Variants in SLC38A9 observed in about 807,000 individuals in gnomAD.
The protein encoded by SLC38A9 is neutral amino acid transporter 9.
SLC38A9 carries 48 observed loss-of-function variants against 62.3 expected under a neutral mutation model. The observed-to-expected ratio is 0.77, with a 90% CI of 0.61 to 0.98. The LOEUF (loss-of-function observed/expected upper bound fraction) is 0.98. SLC38A9 is among the 50% of genes least tolerant of loss of function. SLC38A9 has a pLI of 0.00. For synonymous variants in SLC38A9, 204 were observed against 227.7 expected (o/e 0.90, Z 0.94); for missense variants, 541 against 679.8 (o/e 0.80, Z 2.27).
intron 15 of SLC38A9, 91 bp downstream of exon 15, chr5:55,627,800 T>C (rs1742711889): frequency 1.3e-6 from 1 of 785,630 alleles, no homozygotes; most frequent in Admixed American, 2.3e-5. Context: ...AGGAATTTCA[T>C]ACAATTAAAT....
intron 8 of SLC38A9, among the ~76,000 whole-genome samples, chr5:55,662,364 A>C (rs926128618): frequency 6.6e-6 from 1 of 152,140 alleles, no homozygotes; most frequent in African/African-American, 2.4e-5. Flanking sequence ...AAGTTGCAAA[A>C]GCGTTTATGT....
chr5:55,707,106 A>T (rs778862987), intron 2 of SLC38A9, among the ~76,000 whole-genome samples: 6 of 152,144 alleles, frequency 3.9e-5, no homozygotes, highest in Non-Finnish European at 8.8e-5. Flanking sequence ...TATGTTGCCC[A>T]GCCTGGCCTC....
At chr5:55,663,602 G>A (rs1158645378) in intron 8 of SLC38A9, among the ~76,000 whole-genome samples, 1 of 151,766 alleles carries the variant, frequency 6.6e-6, no homozygotes, top group African/African-American at 2.4e-5. Context: ...GTGTTACCGC[G>A]GGTGCCTGTA....
intron 3 of SLC38A9, among the ~76,000 whole-genome samples, chr5:55,683,596 CAT>C (rs1352424865): frequency 2.0e-5 from 3 of 152,180 alleles, no homozygotes; most frequent in Admixed American, 6.5e-5. Context: ...TATGTACACA[CAT>C]GAATGAAATT....
chr5:55,684,464 A>C (rs549674701), intron 3 of SLC38A9, among the ~76,000 whole-genome samples: 1 of 152,338 alleles, frequency 6.6e-6, no homozygotes, highest in South Asian at 2.1e-4. Context: ...AGATGAGTTA[A>C]AGTTGGGCTT....
intron 12 of SLC38A9, among the ~76,000 whole-genome samples, chr5:55,637,993 G>C (rs990785022): frequency 3.3e-5 from 5 of 149,720 alleles, no homozygotes; most frequent in Non-Finnish European, 7.4e-5. Flanking sequence ...TAAAAAAAAA[G>C]AGAGGTAACA....
At chr5:55,688,904 T>G (rs1754345074) in intron 3 of SLC38A9, among the ~76,000 whole-genome samples, 1 of 152,192 alleles carries the variant, frequency 6.6e-6, no homozygotes, top group Non-Finnish European at 1.5e-5. Flanking sequence ...AGGCCAATGC[T>G]TGCCTCTATT....
Position 55,673,777 on chromosome 5 carries a change from T to C in SLC38A9, c.114-1082A>G, listed in dbSNP as rs1580290038. 1.3e-5 allele frequency among the ~76,000 whole-genome samples: 2 copies of C among 151,330 alleles called. 1 individual carries two copies. Among genetic ancestry groups the C allele is most frequent in the Admixed American group, 1.3e-4 (2 of 15,160 alleles). On this transcript the variant is annotated intron_variant, in intron 3 of 15. Coordinates refer to ENST00000396865, the MANE Select transcript of SLC38A9 (RefSeq NM_173514.4). ...CCTAGGCTGGAGTGCAGTGGTGCGA[T>C]CTCGGCTCACTGCAACCTCCACCTC...
intron 10 of SLC38A9, among the ~76,000 whole-genome samples, chr5:55,651,109 G>A (rs1747333382): frequency 6.6e-6 from 1 of 151,744 alleles, no homozygotes; most frequent in Non-Finnish European, 1.5e-5. Context: ...TTATGCTCTA[G>A]ACTGCCTGCC....
chr5:55,669,074 A>G, intron 7 of SLC38A9, 154 bp downstream of exon 7: 1 of 477,136 alleles, frequency 2.1e-6, no homozygotes, highest in South Asian at 4.4e-5. Flanking sequence ...TTATTAGCAA[A>G]TCAATTTAGC....
intron 12 of SLC38A9, among the ~76,000 whole-genome samples, chr5:55,638,235 A>G (rs751008218): frequency 3.3e-5 from 5 of 152,186 alleles, no homozygotes; most frequent in Non-Finnish European, 7.4e-5. Context: ...TATGAACAGT[A>G]TACACATATG....
At chr5:55,697,759 C>A (rs1441347736) in intron 3 of SLC38A9, 87 bp downstream of exon 3, 2 of 584,276 alleles carry the variant, frequency 3.4e-6, no homozygotes, top group Non-Finnish European at 5.6e-6. Flanking sequence ...ATTTTATAAT[C>A]AAATCTATAC....
At chr5:55,708,304 C>T (rs1757560460) in intron 2 of SLC38A9, among the ~76,000 whole-genome samples, 1 of 152,124 alleles carries the variant, frequency 6.6e-6, no homozygotes, top group African/African-American at 2.4e-5. Flanking sequence ...CATTCCAGCC[C>T]AGGTGACAGA....
At chr5:55,673,104 A>T (rs531204136) in intron 3 of SLC38A9, among the ~76,000 whole-genome samples, 1 of 152,354 alleles carries the variant, frequency 6.6e-6, no homozygotes, top group South Asian at 2.1e-4. Context: ...CCTCTCCTGA[A>T]GAGTCTCTAC....
chr5:55,645,936 T>C (rs753256730), intron 11 of SLC38A9, 41 bp from the exon 12 acceptor site: 3 of 1,364,056 alleles, frequency 2.2e-6, no homozygotes, highest in Admixed American at 4.0e-5. Context: ...AACTGACAAT[T>C]AGAAAATGAG....
intron 7 of SLC38A9, among the ~76,000 whole-genome samples, chr5:55,666,691 C>T (rs13158839): frequency 0.6 from 90,928 of 151,674 alleles, 27,824 homozygotes; most frequent in South Asian, 0.7. Flanking sequence ...GTCAGAAGTT[C>T]GAGACCAGCC....
At chr5:55,664,580 G>A (rs1311012423) in intron 8 of SLC38A9, 113 bp downstream of exon 8, 4 of 568,118 alleles carry the variant, frequency 7.0e-6, no homozygotes, top group Non-Finnish European at 1.1e-5. Context: ...AATTATATAT[G>A]TTACTTCTTA....
intron 3 of SLC38A9, chr5:55,694,249 ATAG>A (rs992778192): frequency 4.4e-6 from 1 of 225,138 alleles, no homozygotes; most frequent in African/African-American, 2.3e-5. Context: ...TGACAATATG[ATAG>A]TAGTTATTCC....
At chr5:55,678,138 G>GTTTTT (rs769465008) in intron 3 of SLC38A9, among the ~76,000 whole-genome samples, 62,039 of 125,032 alleles carry the variant, frequency 0.5, 16,457 homozygotes, top group South Asian at 0.62. Context: ...AAGGTTACTG[G>GTTTTT]TTTTTTTTTC....
Sources: allele counts gnomAD v4.1 joint callset (sites outside exome capture counted in the v4.1 genomes callset), GRCh38; gene constraint gnomAD v4.1.1; transcripts MANE v1.5; gene names NCBI Gene and HGNC (gene_info 2026-07-23, HGNC 2026-07-21).